Variants in KCNH5 observed in about 807,000 individuals in gnomAD.
The protein encoded by KCNH5 is potassium voltage-gated channel subfamily H member 5.
Under a neutral mutation model 96.1 loss-of-function variants are expected in KCNH5, and 46 were observed. The observed-to-expected ratio is 0.48, with a 90% CI of 0.38 to 0.61. The LOEUF (loss-of-function observed/expected upper bound fraction) is 0.61, where lower values mean the gene tolerates loss of function less well. Ranked by LOEUF, KCNH5 falls within the 20% of genes least tolerant of loss-of-function variation. KCNH5 has a pLI of 0.00. For synonymous variants in KCNH5, 439 were observed against 449.8 expected (o/e 0.98, Z 0.30); for missense variants, 907 against 1,225.8 (o/e 0.74, Z 3.88).
intron 10 of KCNH5, among the ~76,000 whole-genome samples, chr14:62,714,414 G>A (rs1884640033): frequency 6.6e-6 from 1 of 152,102 alleles, no homozygotes; most frequent in Admixed American, 6.5e-5. Flanking sequence ...AAAATGGTGT[G>A]TTTTTATTTA....
At chr14:62,821,929 C>T (rs183979268) in intron 8 of KCNH5, among the ~76,000 whole-genome samples, 32 of 152,142 alleles carry the variant, frequency 2.1e-4, no homozygotes, top group Middle Eastern at 3.4e-3. Flanking sequence ...TAAGGAAAAA[C>T]CATAGACCAC....
intron 8 of KCNH5, among the ~76,000 whole-genome samples, chr14:62,817,313 G>A (rs554554468): frequency 2.7e-4 from 37 of 135,358 alleles, no homozygotes; most frequent in African/African-American, 9.6e-4. Context: ...AAAGTAATAC[G>A]TGAACAAAAT....
At chr14:62,749,814 C>A (rs1172578292) in intron 10 of KCNH5, among the ~76,000 whole-genome samples, 1 of 152,134 alleles carries the variant, frequency 6.6e-6, no homozygotes, top group Admixed American at 6.5e-5. Context: ...TGGCTCTTTC[C>A]ACTTTCCCCA....
At chr14:62,952,524 TCAAA>T (rs1158161238) in intron 6 of KCNH5, among the ~76,000 whole-genome samples, 1 of 152,276 alleles carries the variant, frequency 6.6e-6, no homozygotes, top group East Asian at 1.9e-4. Flanking sequence ...CATGAAAAAC[TCAAA>T]CAGAGTTCAG....
intron 1 of KCNH5, among the ~76,000 whole-genome samples, chr14:63,031,282 A>T (rs1891621142): frequency 6.6e-6 from 1 of 152,154 alleles, no homozygotes; most frequent in African/African-American, 2.4e-5. Flanking sequence ...CAATTTATTC[A>T]GACAACAGGA....
chr14:62,925,252 T>C (rs1190952598), intron 7 of KCNH5, among the ~76,000 whole-genome samples: 4 of 152,032 alleles, frequency 2.6e-5, no homozygotes, highest in Non-Finnish European at 4.4e-5. Context: ...AAAAGACATA[T>C]GTTTTGCTAG....
chr14:62,902,266 C>T (rs1888943169), intron 7 of KCNH5, among the ~76,000 whole-genome samples: 1 of 151,252 alleles, frequency 6.6e-6, no homozygotes, highest in African/African-American at 2.4e-5. Flanking sequence ...CTTTTGAGGA[C>T]TTACTCATAA....
At chr14:62,797,484 T>C (rs1355170938) in intron 9 of KCNH5, among the ~76,000 whole-genome samples, 1 of 152,198 alleles carries the variant, frequency 6.6e-6, no homozygotes, top group Non-Finnish European at 1.5e-5. Flanking sequence ...AATGATTTTC[T>C]GGAACTTGGG....
intron 10 of KCNH5, among the ~76,000 whole-genome samples, chr14:62,754,035 C>A (rs1237731424): frequency 6.6e-6 from 1 of 152,050 alleles, no homozygotes; most frequent in Non-Finnish European, 1.5e-5. Flanking sequence ...GCTACAACAA[C>A]TTTTCAAGAC....
chr14:62,714,110 C>T (rs1011253092), intron 10 of KCNH5, among the ~76,000 whole-genome samples: 2 of 138,356 alleles, frequency 1.4e-5, no homozygotes, highest in Admixed American at 7.8e-5. Context: ...CAGGGAGACC[C>T]TATCTCTACA....
intron 10 of KCNH5, among the ~76,000 whole-genome samples, chr14:62,708,781 G>A (rs1365217272): frequency 2.0e-5 from 3 of 151,870 alleles, no homozygotes; most frequent in African/African-American, 4.8e-5. Flanking sequence ...TTATATTGCC[G>A]TTAGTAGGAA....
At chr14:62,793,740 G>T (rs887777843) in intron 9 of KCNH5, among the ~76,000 whole-genome samples, 21 of 151,764 alleles carry the variant, frequency 1.4e-4, no homozygotes, top group African/African-American at 3.9e-4. Flanking sequence ...GCTGTGAGGG[G>T]ATAGGCAGAT....
chr14:63,045,015 ATCC>A, intron 1 of KCNH5, 96 bp downstream of exon 1: 1 of 990,640 alleles, frequency 1.0e-6, no homozygotes, highest in Non-Finnish European at 1.6e-6. Flanking sequence ...GGCTGCCTGC[ATCC>A]TCCTCCCCCC....
At chr14:63,017,635 T>C (rs905639836) in intron 1 of KCNH5, among the ~76,000 whole-genome samples, 4 of 151,714 alleles carry the variant, frequency 2.6e-5, no homozygotes, top group Admixed American at 2.6e-4. Flanking sequence ...GAAAATCCAA[T>C]CATATTAGGC....
intron 7 of KCNH5, among the ~76,000 whole-genome samples, chr14:62,898,472 A>C (rs1475012957): frequency 6.6e-6 from 1 of 152,306 alleles, no homozygotes; most frequent in Admixed American, 6.5e-5. Flanking sequence ...CTAAAGGAAA[A>C]CAGAAAGCAC....
intron 1 of KCNH5, among the ~76,000 whole-genome samples, chr14:63,028,960 A>G (rs1040039468): frequency 1.5e-4 from 23 of 152,262 alleles, no homozygotes; most frequent in South Asian, 4.1e-4. Context: ...TAGTCTAGGA[A>G]ATATGCTCTC....
At chr14:62,896,357 A>G (rs897764629) in intron 7 of KCNH5, among the ~76,000 whole-genome samples, 12 of 152,360 alleles carry the variant, frequency 7.9e-5, no homozygotes, top group African/African-American at 2.6e-4. Context: ...AACTGAGATG[A>G]AAATGCTTTA....
At chr14:62,764,686 C>A (rs1030749896) in intron 10 of KCNH5, among the ~76,000 whole-genome samples, 1 of 152,028 alleles carries the variant, frequency 6.6e-6, no homozygotes, top group African/African-American at 2.4e-5. Context: ...GATACAGAAT[C>A]GATATAAAAA....
At chr14:62,941,040 A>G (rs1248887604) in intron 7 of KCNH5, among the ~76,000 whole-genome samples, 1 of 152,106 alleles carries the variant, frequency 6.6e-6, no homozygotes, top group Non-Finnish European at 1.5e-5. Flanking sequence ...TGGATCAGTG[A>G]TTTTCTTGTT....
Sources: gnomAD v4.1 joint callset for allele counts (sites outside exome capture counted in the v4.1 genomes callset) on GRCh38, gnomAD v4.1.1 for gene constraint, MANE v1.5 for transcripts, NCBI Gene and HGNC (gene_info 2026-07-23, HGNC 2026-07-21) for gene names.